Variants in PRKDC observed in about 807,000 individuals in gnomAD.
The protein encoded by PRKDC is DNA-dependent protein kinase catalytic subunit.
In PRKDC, 82 loss-of-function variants were observed where a neutral mutation model predicts 486.9. The ratio of observed to expected loss-of-function variants is 0.17; its 90% confidence interval spans 0.14 to 0.20. The LOEUF is 0.20. PRKDC is among the 10% of genes least tolerant of loss of function. The probability of loss-of-function intolerance (pLI) is 1.00; values close to 1 mark genes in which losing one functional copy is unlikely to be tolerated. For missense variants in PRKDC, 4,504 were observed against 5,038.2 expected (o/e 0.89, Z 3.21); for synonymous variants, 1,895 against 1,837.0 (o/e 1.03, Z -0.81).
chr8:47,835,974 C>T (rs1040083445), intron 58 of PRKDC, among the ~76,000 whole-genome samples: 11 of 152,094 alleles, frequency 7.2e-5, no homozygotes, highest in Non-Finnish European at 4.4e-5. Context: ...TTCCATGTTG[C>T]CCAGGCTGGT....
chr8:47,943,390 T>C, intron 9 of PRKDC, 24 bp from the exon 10 acceptor site: 3 of 1,580,940 alleles, frequency 1.9e-6, no homozygotes, highest in African/African-American at 1.4e-5. Context: ...TGCCATTATA[T>C]TTAAAATCAG....
chr8:47,918,021 T>A (rs986387980), intron 22 of PRKDC, among the ~76,000 whole-genome samples: 2 of 151,910 alleles, frequency 1.3e-5, no homozygotes, highest in African/African-American at 2.4e-5. Context: ...ATTTTTTGTA[T>A]TTTTTAATAG....
rs2086719317 is a variant in PRKDC at position 47,782,723 on chromosome 8, G to C, written c.11176-125C>G. On this transcript the variant is annotated intron_variant, in intron 78 of 85. Transcript: ENST00000314191. This position sits in a 1 kb window ranked among gnomAD's most constrained non-coding sequence, Gnocchi z 4.9. ...CCTCTGAAGACAGTGCCAAAGAGCA[G>C]AGCGCCCAGGCCAGCAACGAATTTC... 2.8e-6 allele frequency: 3 copies of C among 1,064,132 alleles called. No individual in the cohort carries two copies. Among genetic ancestry groups the C allele is most frequent in the Admixed American group, 2.4e-5 (1 of 41,996 alleles). The allele number at this position is 1,064,132 out of a possible 1,614,324, so 65.9% of individuals were successfully genotyped here. A position where few individuals can be genotyped will look rare whatever the true frequency, so the allele number is the denominator to read the frequency against.
intron 17 of PRKDC, 66 bp from the exon 18 acceptor site, chr8:47,930,078 A>G: frequency 7.3e-7 from 1 of 1,367,488 alleles, no homozygotes; most frequent in Non-Finnish European, 1.0e-6. Context: ...ATTGTAAGGG[A>G]CATAATCGAA....
chr8:47,873,751 G>T (rs749932906), intron 40 of PRKDC, among the ~76,000 whole-genome samples: 3 of 152,130 alleles, frequency 2.0e-5, no homozygotes, highest in Non-Finnish European at 4.4e-5. Context: ...AAATAAGTAA[G>T]GCACAGAAAG....
chr8:47,872,006 T>TG (rs1457091000), intron 40 of PRKDC, among the ~76,000 whole-genome samples: 6 of 152,374 alleles, frequency 3.9e-5, no homozygotes, highest in Non-Finnish European at 7.3e-5. Context: ...ACTGTAATTG[T>TG]GGTATGTAAA....
Position 47,933,028 on chromosome 8 carries a change from C to A in PRKDC, c.1768G>T (p.Glu590Ter). 6.3e-7 allele frequency: 1 copy of A among 1,589,270 alleles called. No individual in the cohort carries two copies. The highest frequency in any genetic ancestry group is 1.2e-5 in the South Asian group (1 of 84,124). ...DLTLEIQTVG[E>*]QENGDEAPGV... Reference sequence around the variant, plus strand: ...TGATAAAAATTTCTAACCTCTTGTTCCCCAACAGTCTGTATTTCAAGTGTA... The same window carrying A: ...TGATAAAAATTTCTAACCTCTTGTTACCCAACAGTCTGTATTTCAAGTGTA... Residue 590 changes from glutamate (E) to a stop codon, truncating the protein, a stop_gained, in exon 16 of 86, where the codon GAA becomes TAA. Transcript: ENST00000314191. LOFTEE classifies it high-confidence loss of function.
chr8:47,797,805 T>C (rs1302021844), intron 73 of PRKDC, among the ~76,000 whole-genome samples: 1 of 152,212 alleles, frequency 6.6e-6, no homozygotes, highest in Admixed American at 6.5e-5. Flanking sequence ...CAGACCCCTC[T>C]GGACACCGTG....
intron 28 of PRKDC, 78 bp downstream of exon 28, chr8:47,900,295 A>C: frequency 9.9e-7 from 1 of 1,011,748 alleles, no homozygotes; most frequent in South Asian, 3.0e-5. Flanking sequence ...CTTATAAGAG[A>C]ATCACACGAG....
intron 7 of PRKDC, among the ~76,000 whole-genome samples, chr8:47,947,885 G>C (rs984311310): frequency 1.3e-5 from 2 of 151,994 alleles, no homozygotes; most frequent in Non-Finnish European, 2.9e-5. Context: ...TCCAGTCTAG[G>C]TGACAGGGCA....
intron 43 of PRKDC, 84 bp from the exon 44 acceptor site, chr8:47,862,211 ATAGCT>A: frequency 7.1e-7 from 1 of 1,404,160 alleles, no homozygotes; most frequent in African/African-American, 1.4e-5. Context: ...ATGCTATGTA[ATAGCT>A]CATGGAAAAG....
intron 22 of PRKDC, among the ~76,000 whole-genome samples, chr8:47,917,117 T>C (rs773492786): frequency 6.6e-6 from 1 of 152,046 alleles, no homozygotes; most frequent in Non-Finnish European, 1.5e-5. Context: ...TAGCTGGGCA[T>C]AGTGGCACAT....
chr8:47,882,278 A>G (rs1166930537), intron 36 of PRKDC, among the ~76,000 whole-genome samples, 181 bp from the exon 37 acceptor site: 2 of 152,240 alleles, frequency 1.3e-5, no homozygotes, highest in Non-Finnish European at 2.9e-5. Flanking sequence ...TAGTTTTTCC[A>G]CAAAGTACAG....
chr8:47,775,432 C>T (rs1009001303), intron 85 of PRKDC, among the ~76,000 whole-genome samples: 35 of 128,474 alleles, frequency 2.7e-4, no homozygotes, highest in African/African-American at 9.9e-4. Flanking sequence ...AGTGCAATGG[C>T]GTGATCTCGG....
chr8:47,846,182 G>C (rs2088259131), intron 54 of PRKDC, among the ~76,000 whole-genome samples: 1 of 152,160 alleles, frequency 6.6e-6, no homozygotes, highest in South Asian at 2.1e-4. Flanking sequence ...TTGGGAAGCT[G>C]AGATGGATGG....
chr8:47,846,810 T>C (rs1403584712), intron 54 of PRKDC, among the ~76,000 whole-genome samples: 3 of 152,228 alleles, frequency 2.0e-5, no homozygotes, highest in Non-Finnish European at 4.4e-5. Context: ...AGTAAAGTTC[T>C]AGGATACAAA....
At chr8:47,957,816 G>C (rs930887455) in intron 1 of PRKDC, among the ~76,000 whole-genome samples, 4 of 152,062 alleles carry the variant, frequency 2.6e-5, no homozygotes, top group Admixed American at 1.3e-4. Flanking sequence ...GCCTGGCCAA[G>C]GTTGCAACGG....
intron 63 of PRKDC, among the ~76,000 whole-genome samples, chr8:47,824,244 G>A (rs1382812786): frequency 3.9e-5 from 6 of 151,960 alleles, no homozygotes; most frequent in Non-Finnish European, 8.8e-5. Flanking sequence ...TGGGACGGGC[G>A]TGGCGGCTCA....
intron 17 of PRKDC, 77 bp downstream of exon 17, chr8:47,930,595 T>G: frequency 7.2e-7 from 1 of 1,380,256 alleles, no homozygotes; most frequent in Non-Finnish European, 9.9e-7. Flanking sequence ...CTTACATCTA[T>G]ATAAGGAATT....
Sources: allele counts gnomAD v4.1 joint callset (sites outside exome capture counted in the v4.1 genomes callset), GRCh38; gene constraint gnomAD v4.1.1; non-coding constraint Gnocchi (gnomAD v3.1); transcripts MANE v1.5; gene names NCBI Gene and HGNC (gene_info 2026-07-23, HGNC 2026-07-21).